MTHFD2L: variants seen among roughly 807,000 people sequenced by gnomAD.
MTHFD2L encodes the protein bifunctional methylenetetrahydrofolate dehydrogenase/cyclohydrolase 2, mitochondrial.
In MTHFD2L, 29 loss-of-function variants were observed where a neutral mutation model predicts 34.9. The observed-to-expected ratio is 0.83, with a 90% CI of 0.62 to 1.13. The LOEUF (loss-of-function observed/expected upper bound fraction) is 1.13. Among genes scored for constraint, MTHFD2L ranks in the 50% most tolerant of loss-of-function variants. MTHFD2L has a pLI of 0.00. For synonymous variants in MTHFD2L, 167 were observed against 155.7 expected, an observed-to-expected ratio of 1.07 and a Z score of -0.54; for missense variants, 481 against 446.5, an observed-to-expected ratio of 1.08 and a Z score of -0.70.
chr4:74,298,496 A>G (rs1049047854), intron 7 of MTHFD2L, among the ~76,000 whole-genome samples: 1 of 151,912 alleles, frequency 6.6e-6, no homozygotes, highest in Admixed American at 6.6e-5. Context: ...CCCAAACCTC[A>G]CTTTTTGAGC....
chr4:74,230,591 G>GAAA lies in MTHFD2L; in HGVS notation c.805+5209_805+5211dup, dbSNP rs11324931. ...GGCAACAGAGCAAGACTCTGTCTCA[G>GAAA]AAAAAAAAAAAAAAGAAAAAAGAAA... On this transcript the variant is annotated intron_variant, in intron 6 of 7. Coordinates refer to ENST00000325278, the MANE Select transcript of MTHFD2L (RefSeq NM_001144978.3). Among the ~76,000 whole-genome samples, 313 of 128,978 alleles carry GAAA rather than the reference G, an allele frequency of 2.4e-3. 1 individual carries two copies. Among genetic ancestry groups the GAAA allele is most frequent in the African/African-American group, 8.1e-3 (282 of 34,630 alleles). 84.6% of individuals were successfully genotyped at this position (128,978 alleles called of 152,430 possible). A position where few individuals can be genotyped will look rare whatever the true frequency, so the allele number is the denominator to read the frequency against.
chr4:74,170,033 G>A, intron 1 of MTHFD2L, among the ~76,000 whole-genome samples: 1 of 152,068 alleles, frequency 6.6e-6, no homozygotes, highest in Non-Finnish European at 1.5e-5. Flanking sequence ...AGCTTCATGG[G>A]TGAATCCTAC....
intron 6 of MTHFD2L, chr4:74,241,554 GT>G (rs1560522348): frequency 4.5e-6 from 2 of 447,390 alleles, no homozygotes; most frequent in Non-Finnish European, 9.0e-6. Context: ...GCTAATTTTT[GT>G]ATTTTTTGTA....
At chr4:74,284,363 T>C (rs78260298) in intron 7 of MTHFD2L, among the ~76,000 whole-genome samples, 5,405 of 152,172 alleles carry the variant, frequency 0.036, 292 homozygotes, top group Admixed American at 0.13. Flanking sequence ...GAAAAGATGC[T>C]TGCTCCTTCT....
chr4:74,182,249 A>G (rs1426091171), intron 3 of MTHFD2L, among the ~76,000 whole-genome samples: 2 of 152,190 alleles, frequency 1.3e-5, no homozygotes, highest in Non-Finnish European at 2.9e-5. Context: ...CAATTAGTGA[A>G]TGCTGTTGAA....
At chr4:74,151,028 G>A (rs1206764149) in intron 1 of MTHFD2L, among the ~76,000 whole-genome samples, 1 of 151,768 alleles carries the variant, frequency 6.6e-6, no homozygotes, top group African/African-American at 2.4e-5. Context: ...ATCATTCTTA[G>A]TCTTTAAAAA....
At chr4:74,247,207 T>C (rs1263884132) in intron 6 of MTHFD2L, among the ~76,000 whole-genome samples, 1 of 151,900 alleles carries the variant, frequency 6.6e-6, no homozygotes, top group East Asian at 1.9e-4. Flanking sequence ...CCCTTGTAAG[T>C]TGGATTCCTA....
chr4:74,136,252 TATAACTC>T (rs1288638232), intron 1 of MTHFD2L, among the ~76,000 whole-genome samples: 1 of 152,064 alleles, frequency 6.6e-6, no homozygotes, highest in African/African-American at 2.4e-5. Flanking sequence ...AAAAAACTGT[TATAACTC>T]ATACAGGAAT....
chr4:74,227,064 G>T (rs916976727), intron 6 of MTHFD2L, among the ~76,000 whole-genome samples: 1 of 152,132 alleles, frequency 6.6e-6, no homozygotes, highest in South Asian at 2.1e-4. Context: ...GCCCTGAGAG[G>T]CTGACTAATG....
chr4:74,200,073 G>A (rs575942554), intron 4 of MTHFD2L, 127 bp downstream of exon 4: 2 of 737,324 alleles, frequency 2.7e-6, no homozygotes, highest in Admixed American at 3.1e-5. Context: ...AAACGTCAGT[G>A]TACAGAGAGA....
At chr4:74,198,919 T>A (rs1005905281) in intron 3 of MTHFD2L, among the ~76,000 whole-genome samples, 1 of 152,114 alleles carries the variant, frequency 6.6e-6, no homozygotes, top group Non-Finnish European at 1.5e-5. Flanking sequence ...ACAAAAGATA[T>A]AAAACCCAAG....
intron 7 of MTHFD2L, chr4:74,293,444 A>G: frequency 2.6e-6 from 2 of 781,832 alleles, no homozygotes; most frequent in South Asian, 5.8e-5. Flanking sequence ...ATACATTTCT[A>G]CCACATTAGG....
chr4:74,135,524 A>G (rs983290164), intron 1 of MTHFD2L, among the ~76,000 whole-genome samples: 3 of 152,136 alleles, frequency 2.0e-5, no homozygotes, highest in Non-Finnish European at 4.4e-5. Context: ...TCTCCCATCA[A>G]AGAAAAGCTC....
chr4:74,267,099 A>AT (rs1745372271), intron 6 of MTHFD2L: 1 of 985,070 alleles, frequency 1.0e-6, no homozygotes, highest in African/African-American at 1.7e-5. Context: ...TTGGTAAACA[A>AT]TTTTCCTTTA....
chr4:74,224,467 T>C (rs1738818585), intron 5 of MTHFD2L, among the ~76,000 whole-genome samples: 1 of 152,162 alleles, frequency 6.6e-6, no homozygotes, highest in African/African-American at 2.4e-5. Flanking sequence ...GTAACTTTTG[T>C]TGTTTTGGTT....
At chr4:74,208,185 C>A (rs1735677012) in intron 5 of MTHFD2L, among the ~76,000 whole-genome samples, 1 of 152,154 alleles carries the variant, frequency 6.6e-6, no homozygotes, top group Admixed American at 6.5e-5. Context: ...TTAGACTTTA[C>A]TGAATTACAT....
chr4:74,179,347 T>C (rs1729661213), intron 3 of MTHFD2L, among the ~76,000 whole-genome samples: 1 of 152,150 alleles, frequency 6.6e-6, no homozygotes, highest in Non-Finnish European at 1.5e-5. Flanking sequence ...ACTTATAACC[T>C]ATATTTTTTA....
At chr4:74,126,208 A>C (rs1019558482) in intron 1 of MTHFD2L, among the ~76,000 whole-genome samples, 3 of 152,218 alleles carry the variant, frequency 2.0e-5, no homozygotes, top group African/African-American at 7.2e-5. Flanking sequence ...AACAGATTTT[A>C]TTATAACTTA....
At chr4:74,240,394 AAG>A (rs1741527650) in intron 6 of MTHFD2L, among the ~76,000 whole-genome samples, 1 of 152,316 alleles carries the variant, frequency 6.6e-6, no homozygotes, top group African/African-American at 2.4e-5. Context: ...ATAACATACA[AAG>A]GTATCTGTTA....
Sources: gnomAD v4.1 joint callset for allele counts (sites outside exome capture counted in the v4.1 genomes callset) on GRCh38, gnomAD v4.1.1 for gene constraint, MANE v1.5 for transcripts, NCBI Gene and HGNC (gene_info 2026-07-23, HGNC 2026-07-21) for gene names.